Variants in CCSER1 observed in about 807,000 individuals in gnomAD.
CCSER1 encodes coiled-coil serine rich protein 1.
CCSER1 carries 41 observed loss-of-function variants against 82.0 expected under a neutral mutation model. That is an observed-to-expected ratio of 0.50 (90% CI 0.39 to 0.65). The LOEUF is 0.65. Ranked by LOEUF, CCSER1 falls within the 30% of genes least tolerant of loss-of-function variation. The pLI is 0.00. For synonymous variants in CCSER1, 414 were observed against 383.9 expected, an observed-to-expected ratio of 1.08 and a Z score of -0.92; for missense variants, 1,119 against 1,064.2, an observed-to-expected ratio of 1.05 and a Z score of -0.72.
intron 10 of CCSER1, among the ~76,000 whole-genome samples, chr4:91,197,405 A>G (rs1735528108): frequency 6.6e-6 from 1 of 152,240 alleles, no homozygotes; most frequent in Non-Finnish European, 1.5e-5. Flanking sequence ...ATTTAATTCA[A>G]AGAATCCCCT....
intron 10 of CCSER1, among the ~76,000 whole-genome samples, chr4:91,291,873 G>A (rs894204186): frequency 1.3e-5 from 2 of 151,986 alleles, no homozygotes; most frequent in Non-Finnish European, 2.9e-5. Context: ...CTTGATTCCA[G>A]TCCATCCACA....
chr4:91,125,245 A>G (rs995251167), intron 10 of CCSER1, among the ~76,000 whole-genome samples: 3 of 151,732 alleles, frequency 2.0e-5, no homozygotes, highest in Non-Finnish European at 4.4e-5. Flanking sequence ...TAATGTATAT[A>G]TGGGGAATAA....
chr4:90,417,124 G>T (rs1755916506), intron 4 of CCSER1, among the ~76,000 whole-genome samples: 1 of 152,138 alleles, frequency 6.6e-6, no homozygotes, highest in Non-Finnish European at 1.5e-5. Context: ...TAGATGACGG[G>T]TTGATAGGTG....
rs1352617367 is a variant in CCSER1 at position 90,614,086 on chromosome 4, T to A, written c.1725-13939T>A. 3.3e-5 allele frequency among the ~76,000 whole-genome samples: 5 copies of A among 152,332 alleles called. No individual in the cohort carries two copies. In the South Asian group the frequency reaches 1.0e-3, roughly 32 times the overall value. ...ACAACCTGTGCTCACTGTGTCTCTGTGCCACAATTTGGTATTCACACAAGA... is the reference window on the plus strand; with the variant it reads ...ACAACCTGTGCTCACTGTGTCTCTGAGCCACAATTTGGTATTCACACAAGA... On this transcript the variant is annotated intron_variant, in intron 5 of 10. Coordinates refer to ENST00000509176, the MANE Select transcript of CCSER1 (RefSeq NM_001145065.2).
intron 5 of CCSER1, among the ~76,000 whole-genome samples, chr4:90,554,460 C>A (rs189338188): frequency 6.6e-6 from 1 of 152,034 alleles, no homozygotes; most frequent in Non-Finnish European, 1.5e-5. Flanking sequence ...CTTTAAATAC[C>A]GAAAATATTT....
At chr4:90,739,373 C>T (rs1173430671) in intron 7 of CCSER1, among the ~76,000 whole-genome samples, 2 of 152,184 alleles carry the variant, frequency 1.3e-5, no homozygotes, top group Non-Finnish European at 2.9e-5. Context: ...TTTCCCCCTC[C>T]TCTCCTTAAG....
chr4:90,152,429 CT>C (rs759846773), intron 1 of CCSER1, among the ~76,000 whole-genome samples: 5 of 152,098 alleles, frequency 3.3e-5, no homozygotes, highest in Admixed American at 1.3e-4. Flanking sequence ...GAAAATGGGG[CT>C]TGATTTTCCC....
Position 91,110,225 on chromosome 4 carries a change from C to T in CCSER1, c.2217+24231C>T, listed in dbSNP as rs577805625. 1.5e-3 allele frequency among the ~76,000 whole-genome samples: 225 copies of T among 152,022 alleles called. 1 individual carries two copies. Among genetic ancestry groups the T allele is most frequent in the Admixed American group, 5.4e-3 (82 of 15,258 alleles). ...AAAAATTAACACATTTGTTGAGACA[C>T]ATGGAGTCAGTGAGCAATGTGATGT... On this transcript the variant is annotated intron_variant, in intron 10 of 10. Coordinates refer to ENST00000509176, the MANE Select transcript of CCSER1 (RefSeq NM_001145065.2).
rs1025972254 is a variant in CCSER1 at position 91,558,576 on chromosome 4, A to G, written c.2218-39996A>G. On this transcript the variant is annotated intron_variant, in intron 10 of 10. Coordinates refer to ENST00000509176, the MANE Select transcript of CCSER1 (RefSeq NM_001145065.2). ...GATAAAGGCATACCTGAGACTGGGA[A>G]GAAAAAGAGGTTTAATTGGACTTAC... is the stretch of plus-strand genomic sequence containing the variant. 3.3e-5 allele frequency among the ~76,000 whole-genome samples: 5 copies of G among 151,636 alleles called. No homozygotes were observed. In the Admixed American group the frequency reaches 3.3e-4, roughly 10 times the overall value.
At chr4:91,117,675 C>G (rs1208400911) in intron 10 of CCSER1, among the ~76,000 whole-genome samples, 2 of 152,032 alleles carry the variant, frequency 1.3e-5, no homozygotes, top group Admixed American at 1.3e-4. Flanking sequence ...TTTATGTTGT[C>G]CCAAAAGCCA....
At chr4:91,086,341 A>C (rs932339660) in intron 10 of CCSER1, among the ~76,000 whole-genome samples, 3 of 152,124 alleles carry the variant, frequency 2.0e-5, no homozygotes, top group Non-Finnish European at 4.4e-5. Flanking sequence ...GAAGTTAACA[A>C]AATTCTAACA....
intron 5 of CCSER1, among the ~76,000 whole-genome samples, chr4:90,570,439 C>G (rs1779963993): frequency 6.6e-6 from 1 of 152,042 alleles, no homozygotes; most frequent in African/African-American, 2.4e-5. Flanking sequence ...CACTACCCTG[C>G]CTAAGGATGC....
chr4:90,904,964 G>T (rs924185961), intron 8 of CCSER1, among the ~76,000 whole-genome samples: 6 of 152,008 alleles, frequency 3.9e-5, no homozygotes, highest in Non-Finnish European at 8.8e-5. Context: ...CTCATATCAG[G>T]AATATCACCA....
chr4:90,167,231 T>A (rs944262114), intron 1 of CCSER1, among the ~76,000 whole-genome samples: 1 of 152,138 alleles, frequency 6.6e-6, no homozygotes, highest in Non-Finnish European at 1.5e-5. Flanking sequence ...GTGTCTCATT[T>A]TAAGCATATA....
intron 6 of CCSER1, among the ~76,000 whole-genome samples, chr4:90,672,350 T>A (rs1732950505): frequency 6.6e-6 from 1 of 152,058 alleles, no homozygotes; most frequent in South Asian, 2.1e-4. Context: ...CACTTTTATG[T>A]TATGGCTTCT....
chr4:90,253,660 G>A (rs1490294053), intron 1 of CCSER1, among the ~76,000 whole-genome samples: 4 of 152,206 alleles, frequency 2.6e-5, no homozygotes, highest in Non-Finnish European at 4.4e-5. Context: ...TCTGTTTAGT[G>A]ACTTTGCTCA....
intron 8 of CCSER1, chr4:90,839,181 A>T (rs939721826): frequency 1.4e-6 from 1 of 719,274 alleles, no homozygotes; most frequent in African/African-American, 1.8e-5. Context: ...AAATATTATT[A>T]TGATCTTTGT....
intron 1 of CCSER1, among the ~76,000 whole-genome samples, chr4:90,150,268 T>A (rs1726574123): frequency 6.6e-6 from 1 of 152,160 alleles, no homozygotes; most frequent in African/African-American, 2.4e-5. Flanking sequence ...GTTTTCCAAA[T>A]GAGTAAAATA....
intron 7 of CCSER1, among the ~76,000 whole-genome samples, chr4:90,740,260 T>C (rs1580241478): frequency 6.6e-6 from 1 of 152,154 alleles, no homozygotes; most frequent in Non-Finnish European, 1.5e-5. Context: ...TATTATTATT[T>C]GGTGTCAATA....
Sources: gnomAD v4.1 joint callset for allele counts (sites outside exome capture counted in the v4.1 genomes callset) on GRCh38, gnomAD v4.1.1 for gene constraint, MANE v1.5 for transcripts, NCBI Gene and HGNC (gene_info 2026-07-23, HGNC 2026-07-21) for gene names.